AKT3: variants seen among roughly 807,000 people sequenced by gnomAD.
AKT3 encodes the protein RAC-gamma serine/threonine-protein kinase.
In AKT3, 15 loss-of-function variants were observed where a neutral mutation model predicts 65.3. The ratio of observed to expected loss-of-function variants is 0.23; its 90% CI spans 0.15 to 0.35. The LOEUF (loss-of-function observed/expected upper bound fraction) is 0.35. AKT3 is among the 10% of genes least tolerant of loss of function. The probability of loss-of-function intolerance (pLI) is 1.00; values close to 1 mark genes in which losing one functional copy is unlikely to be tolerated. For synonymous variants in AKT3, 206 were observed against 183.8 expected (o/e 1.12, Z -0.98); for missense variants, 243 against 576.5 (o/e 0.42, Z 5.92).
chr1:243,710,871 A>G (rs1686102313), intron 2 of AKT3, among the ~76,000 whole-genome samples: 1 of 152,206 alleles, frequency 6.6e-6, no homozygotes, highest in South Asian at 2.1e-4. Context: ...CCATGAGGAG[A>G]AGAAATATTA....
At position 243,744,929 on chromosome 1, in the gene AKT3, TA is replaced by T. The variant is rs774780626; in HGVS notation, c.47-49214del. ...CTGTATTCATGAGTCCTTGGCTCAT[TA>T]AAAAAAAAAAATTGTTTTAATTTCT... is the stretch of plus-strand genomic sequence containing the variant. On this transcript the variant is annotated intron_variant, in intron 2 of 13. Coordinates refer to ENST00000673466, the MANE Select transcript of AKT3 (RefSeq NM_005465.7). Among the ~76,000 whole-genome samples the T allele has an allele frequency of 4.5e-3, 657 of 146,198 alleles. 5 individuals carry two copies. The highest frequency in any genetic ancestry group is 0.013 in the African/African-American group (518 of 40,216).
intron 2 of AKT3, among the ~76,000 whole-genome samples, chr1:243,706,496 A>G (rs1224891005): frequency 5.9e-5 from 9 of 152,160 alleles, no homozygotes; most frequent in Non-Finnish European, 1.0e-4. Context: ...AATAAAAACT[A>G]ATAGGACTTT....
At chr1:243,544,134 C>T (rs968227924) in intron 12 of AKT3, among the ~76,000 whole-genome samples, 3 of 149,812 alleles carry the variant, frequency 2.0e-5, no homozygotes, top group South Asian at 2.1e-4. Flanking sequence ...CAGAAAAATT[C>T]GGAGTAGATT....
chr1:243,721,019 T>C (rs1404987892), intron 2 of AKT3, among the ~76,000 whole-genome samples: 2 of 152,098 alleles, frequency 1.3e-5, no homozygotes, highest in African/African-American at 4.8e-5. Context: ...TCTCATCTTC[T>C]CCTGCCCTCC....
At chr1:243,794,639 G>A (rs1475320500) in intron 2 of AKT3, among the ~76,000 whole-genome samples, 1 of 152,184 alleles carries the variant, frequency 6.6e-6, no homozygotes, top group Non-Finnish European at 1.5e-5. Context: ...GACACAAGAA[G>A]AAGAGTATAA....
intron 2 of AKT3, among the ~76,000 whole-genome samples, chr1:243,765,955 A>G (rs1689793301): frequency 6.6e-6 from 1 of 152,172 alleles, no homozygotes; most frequent in Admixed American, 6.5e-5. Flanking sequence ...AAAGAACCTT[A>G]AAGATATCAG....
chr1:243,777,915 T>C (rs1269741831), intron 2 of AKT3, among the ~76,000 whole-genome samples: 1 of 152,150 alleles, frequency 6.6e-6, no homozygotes, highest in Non-Finnish European at 1.5e-5. Flanking sequence ...TTTTTCCTTT[T>C]CTCCCTGACT....
chr1:243,695,779 A>G, intron 2 of AKT3, 63 bp from the exon 3 acceptor site: 3 of 1,463,900 alleles, frequency 2.0e-6, no homozygotes, highest in Non-Finnish European at 2.7e-6. Flanking sequence ...TATGCAAAAA[A>G]TAAATTATGG....
chr1:243,832,836 A>AT (rs1239231514), intron 2 of AKT3, among the ~76,000 whole-genome samples: 2 of 152,202 alleles, frequency 1.3e-5, no homozygotes, highest in African/African-American at 4.8e-5. Context: ...GTATCTAAAC[A>AT]TATCTAAACA....
chr1:243,699,951 A>T (rs1207597420), intron 2 of AKT3, among the ~76,000 whole-genome samples: 2 of 152,184 alleles, frequency 1.3e-5, no homozygotes, highest in Non-Finnish European at 2.9e-5. Context: ...ACCAGAAGCA[A>T]GAAGAGACAA....
chr1:243,769,253 C>T (rs1171227237), intron 2 of AKT3, among the ~76,000 whole-genome samples: 1 of 152,132 alleles, frequency 6.6e-6, no homozygotes, highest in South Asian at 2.1e-4. Flanking sequence ...GAGGCAATTA[C>T]GAATACTACT....
intron 12 of AKT3, among the ~76,000 whole-genome samples, chr1:243,544,662 A>G: frequency 6.6e-6 from 1 of 151,604 alleles, no homozygotes; most frequent in Middle Eastern, 3.2e-3. Context: ...GCAGATCACA[A>G]TAAAACTAAA....
chr1:243,619,589 A>G (rs1678590744), intron 6 of AKT3, among the ~76,000 whole-genome samples: 1 of 99,006 alleles, frequency 1.0e-5, no homozygotes, highest in African/African-American at 2.6e-5. Flanking sequence ...AAGAACAAAA[A>G]TGTGCAATAT....
intron 5 of AKT3, among the ~76,000 whole-genome samples, chr1:243,640,783 A>C (rs1039100368): frequency 6.6e-6 from 1 of 152,198 alleles, no homozygotes; most frequent in African/African-American, 2.4e-5. Flanking sequence ...GAGTGGCCCA[A>C]ACTACAAAAT....
At chr1:243,520,423 C>A (rs2148384576) in intron 12 of AKT3, among the ~76,000 whole-genome samples, 1 of 152,344 alleles carries the variant, frequency 6.6e-6, no homozygotes, top group South Asian at 2.1e-4. Flanking sequence ...TTTGTTACAG[C>A]AGCCCTAGCA....
chr1:243,749,565 CTCTT>C (rs1688677501), intron 2 of AKT3, among the ~76,000 whole-genome samples: 2 of 152,152 alleles, frequency 1.3e-5, no homozygotes, highest in Non-Finnish European at 2.9e-5. Context: ...GAACTAACCC[CTCTT>C]TCTTGTGTCC....
downstream of AKT3, among the ~76,000 whole-genome samples, chr1:243,497,195 TTC>T (rs1178357294): frequency 1.3e-5 from 2 of 152,174 alleles, no homozygotes; most frequent in African/African-American, 4.8e-5. Flanking sequence ...TAACTAAGGC[TTC>T]TGTCTCGGTC....
intron 4 of AKT3, among the ~76,000 whole-genome samples, chr1:243,661,810 A>G (rs1371877911): frequency 1.3e-5 from 2 of 149,996 alleles, no homozygotes; most frequent in Non-Finnish European, 3.0e-5. Flanking sequence ...TACTCATCTG[A>G]CAAAGAGCTA....
At chr1:243,541,730 G>A (rs1672332827) in intron 12 of AKT3, among the ~76,000 whole-genome samples, 4 of 152,100 alleles carry the variant, frequency 2.6e-5, no homozygotes, top group Admixed American at 2.6e-4. Context: ...AAGAAGAAAG[G>A]AAATGCATAC....
Sources: allele counts gnomAD v4.1 joint callset (sites outside exome capture counted in the v4.1 genomes callset), GRCh38; gene constraint gnomAD v4.1.1; transcripts MANE v1.5; gene names NCBI Gene and HGNC (gene_info 2026-07-23, HGNC 2026-07-21).